DKK3: variants seen among roughly 807,000 people sequenced by gnomAD.
DKK3 encodes dickkopf-related protein 3.
A neutral mutation model predicts 33.2 loss-of-function variants in DKK3; 22 were observed. The ratio of observed to expected loss-of-function variants is 0.66; its 90% CI spans 0.47 to 0.95. DKK3 has a LOEUF of 0.95. DKK3 is among the 40% of genes least tolerant of loss of function. DKK3 has a pLI of 0.00. For synonymous variants in DKK3, 194 were observed against 188.8 expected, an observed-to-expected ratio of 1.03 and a Z score of -0.23; for missense variants, 398 against 458.4, an observed-to-expected ratio of 0.87 and a Z score of 1.20.
chr11:11,997,920 C>T (rs1376139624), intron 3 of DKK3, among the ~76,000 whole-genome samples: 1 of 152,112 alleles, frequency 6.6e-6, no homozygotes, highest in Non-Finnish European at 1.5e-5. Flanking sequence ...CAGAAGCCAT[C>T]TGGATACAGG....
At chr11:11,974,305 T>A (rs1258765308) in intron 3 of DKK3, among the ~76,000 whole-genome samples, 1 of 152,238 alleles carries the variant, frequency 6.6e-6, no homozygotes, top group Non-Finnish European at 1.5e-5. Flanking sequence ...GCCTCTCGGA[T>A]CCTCACAGCC....
intron 3 of DKK3, among the ~76,000 whole-genome samples, chr11:11,972,806 C>T (rs1270819636): frequency 6.6e-6 from 1 of 152,132 alleles, no homozygotes; most frequent in Non-Finnish European, 1.5e-5. Context: ...GGCCTCAGCA[C>T]CCAACTGGGC....
chr11:11,966,526 A>G (rs1847599194), intron 5 of DKK3, among the ~76,000 whole-genome samples: 1 of 152,146 alleles, frequency 6.6e-6, no homozygotes, highest in Non-Finnish European at 1.5e-5. Context: ...CTGGGGATGC[A>G]GAGCTGGGGA....
chr11:11,970,529 A>G (rs1381808365), intron 3 of DKK3, among the ~76,000 whole-genome samples: 2 of 152,228 alleles, frequency 1.3e-5, no homozygotes, highest in African/African-American at 4.8e-5. Flanking sequence ...TATTCCCCGG[A>G]ACCTGTGGGT....
chr11:12,005,303 C>T (rs556329558), intron 1 of DKK3, among the ~76,000 whole-genome samples: 12 of 152,116 alleles, frequency 7.9e-5, no homozygotes, highest in African/African-American at 2.7e-4. Flanking sequence ...AAATTTCAAC[C>T]GCAACTATTA....
chr11:12,004,378 G>A (rs192154715), intron 1 of DKK3, among the ~76,000 whole-genome samples: 3 of 152,320 alleles, frequency 2.0e-5, no homozygotes. Context: ...AGAAAGAGAG[G>A]GGAGTCAGGA....
At chr11:11,987,789 C>T (rs1352343001) in intron 3 of DKK3, among the ~76,000 whole-genome samples, 2 of 152,230 alleles carry the variant, frequency 1.3e-5, no homozygotes, top group African/African-American at 4.8e-5. Context: ...TTTGGTCTAG[C>T]ACCTTAGCCA....
chr11:11,978,018 T>G (rs915169617), intron 3 of DKK3, among the ~76,000 whole-genome samples: 1 of 152,254 alleles, frequency 6.6e-6, no homozygotes, highest in Non-Finnish European at 1.5e-5. Context: ...TGAATAATAT[T>G]TTCATACAGT....
chr11:11,966,035 G>C, intron 5 of DKK3, 70 bp from the exon 6 acceptor site: 1 of 1,507,172 alleles, frequency 6.6e-7, no homozygotes, highest in Non-Finnish European at 8.9e-7. Context: ...GAGGGGCAAA[G>C]AAATGGAGCA....
intron 3 of DKK3, among the ~76,000 whole-genome samples, chr11:11,992,804 T>C (rs895656716): frequency 6.6e-6 from 1 of 152,228 alleles, no homozygotes; most frequent in African/African-American, 2.4e-5. Context: ...CCTGCAGAAC[T>C]GTAAGCCAAA....
intron 3 of DKK3, among the ~76,000 whole-genome samples, chr11:11,981,507 G>C (rs1847954068): frequency 6.6e-6 from 1 of 152,188 alleles, no homozygotes; most frequent in Non-Finnish European, 1.5e-5. Flanking sequence ...CAGATGCCCA[G>C]AACACGGTGC....
At position 11,980,999 on chromosome 11, in the gene DKK3, G is replaced by C. The variant is rs557620917; in HGVS notation, c.436-12512C>G. Among the ~76,000 whole-genome samples, 537 of 152,306 alleles carry C rather than the reference G, an allele frequency of 3.5e-3. 5 individuals carry two copies. Among genetic ancestry groups the C allele is most frequent in the Non-Finnish European group, 6.0e-3 (409 of 68,034 alleles). ...CTCTTCTCCACCCAGAGCACTCACAGCTTCTTCGACCAAGGGACTGCTTCC... is the reference window on the plus strand; with the variant it reads ...CTCTTCTCCACCCAGAGCACTCACACCTTCTTCGACCAAGGGACTGCTTCC... On this transcript the variant is annotated intron_variant, in intron 3 of 6. Transcript: ENST00000683431.
At chr11:11,980,018 G>C (rs1847922529) in intron 3 of DKK3, 1 of 152,282 alleles carries the variant, frequency 6.6e-6, no homozygotes. Flanking sequence ...CAGTGACCCG[G>C]GGAGAGGGAG....
intron 3 of DKK3, among the ~76,000 whole-genome samples, chr11:11,974,391 T>C (rs544692942): frequency 6.6e-6 from 1 of 152,326 alleles, no homozygotes. Context: ...TAATTTATAA[T>C]GAACAGAAAT....
At position 11,966,995 on chromosome 11, in the gene DKK3, T is replaced by C. The variant is rs1317694831; in HGVS notation, c.632A>G (p.Gln211Arg). ...RGSNGTICDNQRDCQPGLCCA... is the reference protein window; with the variant it reads ...RGSNGTICDNRRDCQPGLCCA... ...GCACAGCCCCGGCTGGCAGTCCCTC[T>C]GGTTGTCACAGATGGTCCCATTGCT... The change falls in exon 5 of 7, where the codon CAG becomes CGG. Residue 211 changes from glutamine to arginine, a missense_variant. Coordinates refer to ENST00000683431, the MANE Select transcript of DKK3 (RefSeq NM_001018057.2). 1 of 1,613,994 alleles carries C rather than the reference T, an allele frequency of 6.2e-7. No homozygotes were observed. Among genetic ancestry groups the C allele is most frequent in the East Asian group, 2.2e-5 (1 of 44,886 alleles).
At chr11:11,995,353 G>A (rs1848269895) in intron 3 of DKK3, among the ~76,000 whole-genome samples, 1 of 152,110 alleles carries the variant, frequency 6.6e-6, no homozygotes, top group African/African-American at 2.4e-5. Flanking sequence ...CCAAAGTGCT[G>A]GGACTACAGG....
intron 3 of DKK3, among the ~76,000 whole-genome samples, chr11:11,973,252 C>G (rs1419741360): frequency 6.6e-6 from 1 of 152,232 alleles, no homozygotes; most frequent in Non-Finnish European, 1.5e-5. Flanking sequence ...ATAGAATCTG[C>G]CCAGAGGTCA....
chr11:12,003,703 C>T (rs80317638), intron 1 of DKK3, among the ~76,000 whole-genome samples: 2,467 of 152,086 alleles, frequency 0.016, 35 homozygotes, highest in Middle Eastern at 0.034. Context: ...GGCAATTTTC[C>T]AACACTGCTA....
intron 3 of DKK3, among the ~76,000 whole-genome samples, chr11:11,991,317 T>C (rs1848182375): frequency 1.3e-5 from 2 of 152,174 alleles, no homozygotes; most frequent in South Asian, 4.1e-4. Context: ...TGAAATTTGA[T>C]CTCTAGTGTT....
Sources: allele counts gnomAD v4.1 joint callset (sites outside exome capture counted in the v4.1 genomes callset), GRCh38; gene constraint gnomAD v4.1.1; transcripts MANE v1.5; gene names NCBI Gene and HGNC (gene_info 2026-07-23, HGNC 2026-07-21).